AGBL1: variants seen among roughly 807,000 people sequenced by gnomAD.
AGBL1 encodes cytosolic carboxypeptidase 4.
In AGBL1, 130 loss-of-function variants were observed where a neutral mutation model predicts 118.9. The ratio of observed to expected loss-of-function variants is 1.09; its 90% CI spans 0.95 to 1.26. The LOEUF (loss-of-function observed/expected upper bound fraction) is 1.26. Among genes scored for constraint, AGBL1 ranks in the 50% most tolerant of loss-of-function variants. AGBL1 has a pLI of 0.00. For missense variants in AGBL1, 1,584 were observed against 1,298.1 expected, an observed-to-expected ratio of 1.22 and a Z score of -3.38; for synonymous variants, 555 against 478.9, an observed-to-expected ratio of 1.16 and a Z score of -2.08.
At chr15:86,518,634 A>T (rs1218787305) in intron 18 of AGBL1, among the ~76,000 whole-genome samples, 1 of 152,166 alleles carries the variant, frequency 6.6e-6, no homozygotes, top group Non-Finnish European at 1.5e-5. Flanking sequence ...ATGCCTGAAA[A>T]GAACAGAAAG....
At chr15:86,561,526 T>A (rs534939467) in intron 21 of AGBL1, among the ~76,000 whole-genome samples, 11 of 152,220 alleles carry the variant, frequency 7.2e-5, no homozygotes, top group Non-Finnish European at 1.3e-4. Context: ...TCTTTTTTGG[T>A]ACCAGTACCA....
intron 23 of AGBL1, among the ~76,000 whole-genome samples, chr15:86,986,602 C>T (rs1479215787): frequency 1.3e-5 from 2 of 152,034 alleles, no homozygotes; most frequent in Non-Finnish European, 2.9e-5. Flanking sequence ...AGTCATATAT[C>T]TGGTGTGCTT....
At chr15:86,564,618 C>T (rs960612053) in intron 21 of AGBL1, among the ~76,000 whole-genome samples, 2 of 152,158 alleles carry the variant, frequency 1.3e-5, no homozygotes, top group African/African-American at 4.8e-5. Context: ...CTTCGAGTTG[C>T]TCTTCTCAAG....
chr15:86,296,465 CTACAGCCTTCTCTGAGGAAGA>C (rs1349360617), intron 17 of AGBL1: 4 of 147,402 alleles, frequency 2.7e-5, no homozygotes, highest in Non-Finnish European at 4.4e-5. Flanking sequence ...TCTGAGGAAG[CTACAGCCTTCTCTGAGGAAGA>C]TACAGCCTTC....
intron 22 of AGBL1, among the ~76,000 whole-genome samples, chr15:86,764,578 T>G (rs1333129813): frequency 1.3e-5 from 2 of 152,094 alleles, no homozygotes; most frequent in Non-Finnish European, 2.9e-5. Flanking sequence ...CTCTTACATT[T>G]TAAAGTTATT....
chr15:86,129,924 C>T (rs1371461993), intron 1 of AGBL1, among the ~76,000 whole-genome samples: 1 of 152,082 alleles, frequency 6.6e-6, no homozygotes, highest in Non-Finnish European at 1.5e-5. Context: ...TGCTGGGATA[C>T]CTTTACACCC....
At chr15:86,370,863 A>C (rs2080961353) in intron 17 of AGBL1, among the ~76,000 whole-genome samples, 1 of 152,152 alleles carries the variant, frequency 6.6e-6, no homozygotes, top group Non-Finnish European at 1.5e-5. Context: ...GTGTGCAGTA[A>C]GTGTTCACAG....
chr15:86,578,690 G>C (rs893050311), intron 21 of AGBL1, among the ~76,000 whole-genome samples: 1 of 151,072 alleles, frequency 6.6e-6, no homozygotes, highest in Non-Finnish European at 1.5e-5. Flanking sequence ...TTGTGATAGT[G>C]AGTAAGTCTC....
rs114114271 is a variant in AGBL1 at position 86,591,748 on chromosome 15, T to C, written c.2994+37211T>C. Among the ~76,000 whole-genome samples, 475 of 152,228 alleles carry C rather than the reference T, an allele frequency of 3.1e-3. 2 individuals carry two copies. Among genetic ancestry groups the C allele is most frequent in the African/African-American group, 0.011 (450 of 41,536 alleles). On this transcript the variant is annotated intron_variant, in intron 21 of 22. Coordinates refer to ENST00000614907, the MANE Select transcript of AGBL1 (RefSeq NM_001386094.1). ...GGGTTTTTATGGAGGCTTCATTACATTGGCACAATTGATTAAACCATTAGT... is the reference window on the plus strand; with the variant it reads ...GGGTTTTTATGGAGGCTTCATTACACTGGCACAATTGATTAAACCATTAGT...
chr15:86,204,041 C>T (rs994792023), intron 5 of AGBL1, among the ~76,000 whole-genome samples: 6 of 152,102 alleles, frequency 3.9e-5, no homozygotes, highest in Non-Finnish European at 4.4e-5. Flanking sequence ...AAGGATGAGA[C>T]TTATGATGGA....
intron 23 of AGBL1, among the ~76,000 whole-genome samples, chr15:86,933,348 C>A (rs2080628167): frequency 6.6e-6 from 1 of 152,046 alleles, no homozygotes; most frequent in Admixed American, 6.6e-5. Context: ...GGGGATGAAA[C>A]CAAAAGGCCA....
At chr15:87,024,049 C>T (rs1431626280) in intron 24 of AGBL1, among the ~76,000 whole-genome samples, 1 of 151,868 alleles carries the variant, frequency 6.6e-6, no homozygotes, top group Non-Finnish European at 1.5e-5. Flanking sequence ...CACAAACAGA[C>T]AATCTAAGTT....
chr15:86,458,369 C>G (rs978771124), intron 18 of AGBL1, among the ~76,000 whole-genome samples: 1 of 151,908 alleles, frequency 6.6e-6, no homozygotes, highest in Non-Finnish European at 1.5e-5. Flanking sequence ...ATTCGTGTAC[C>G]AAGAATTAAG....
At chr15:86,985,225 C>G (rs1004947312) in intron 23 of AGBL1, among the ~76,000 whole-genome samples, 3 of 152,128 alleles carry the variant, frequency 2.0e-5, no homozygotes, top group African/African-American at 7.2e-5. Context: ...TTTGTGTAGG[C>G]ATCTATTTTC....
intron 18 of AGBL1, among the ~76,000 whole-genome samples, chr15:86,479,795 T>C (rs1225074934): frequency 6.6e-6 from 1 of 152,150 alleles, no homozygotes; most frequent in Non-Finnish European, 1.5e-5. Flanking sequence ...CGTATGTTTA[T>C]TGCGGCACTA....
chr15:86,707,727 G>A (rs1265863393), intron 22 of AGBL1, among the ~76,000 whole-genome samples: 1 of 152,102 alleles, frequency 6.6e-6, no homozygotes, highest in Non-Finnish European at 1.5e-5. Flanking sequence ...GGAGGCTGTT[G>A]AATTCTTCCA....
At chr15:86,917,494 G>A (rs559598910), downstream of AGBL1, among the ~76,000 whole-genome samples, 8 of 152,296 alleles carry the variant, frequency 5.3e-5, no homozygotes, top group African/African-American at 1.2e-4. This position sits in a 1 kb window ranked among gnomAD's most constrained non-coding sequence, Gnocchi z 4.8. Context: ...TGAATGTTCC[G>A]GCCACTGTAC....
intron 22 of AGBL1, among the ~76,000 whole-genome samples, chr15:86,846,870 T>A (rs765414500): frequency 1.3e-5 from 2 of 152,206 alleles, no homozygotes; most frequent in Non-Finnish European, 1.5e-5. Flanking sequence ...TTTCATATTC[T>A]TTTTCTGGCC....
intron 18 of AGBL1, among the ~76,000 whole-genome samples, chr15:86,453,195 GTGAA>G (rs1355832089): frequency 6.6e-6 from 1 of 152,166 alleles, no homozygotes; most frequent in Non-Finnish European, 1.5e-5. Flanking sequence ...TGTTTGTTAA[GTGAA>G]TGAATACGTG....
Sources: gnomAD v4.1 joint callset for allele counts (sites outside exome capture counted in the v4.1 genomes callset) on GRCh38, gnomAD v4.1.1 for gene constraint, Gnocchi (gnomAD v3.1) non-coding constraint, MANE v1.5 for transcripts, NCBI Gene and HGNC (gene_info 2026-07-23, HGNC 2026-07-21) for gene names.